ARSG: variants seen among roughly 807,000 people sequenced by gnomAD.
The protein encoded by ARSG is arylsulfatase G, also known as ASG.
Under a neutral mutation model 50.5 loss-of-function variants are expected in ARSG, and 37 were observed. The observed-to-expected ratio is 0.73, with a 90% confidence interval of 0.56 to 0.96. The LOEUF is 0.96. Among genes scored for constraint, ARSG ranks in the 50% least tolerant of loss-of-function variants. The probability of loss-of-function intolerance (pLI) is 0.00; values close to 1 mark genes in which losing one functional copy is unlikely to be tolerated. For synonymous variants in ARSG, 225 were observed against 254.6 expected, an observed-to-expected ratio of 0.88 and a Z score of 1.11; for missense variants, 629 against 675.3, an observed-to-expected ratio of 0.93 and a Z score of 0.76.
intron 9 of ARSG, among the ~76,000 whole-genome samples, chr17:68,391,522 G>A (rs761479126): frequency 5.3e-5 from 8 of 152,134 alleles, no homozygotes; most frequent in Non-Finnish European, 1.0e-4. Flanking sequence ...AGAGAGTAGT[G>A]GGGGGAAATC....
chr17:68,397,943 T>A lies in ARSG; in HGVS notation c.1212+2750T>A, dbSNP rs1014830163. Among the ~76,000 whole-genome samples, 5 of 152,066 alleles carry A rather than the reference T, an allele frequency of 3.3e-5. No homozygotes were observed. The East Asian group carries it at 9.6e-4, about 29-fold the overall frequency. On this transcript the variant is annotated intron_variant, in intron 10 of 11. Transcript: ENST00000621439. Reference sequence around the variant, plus strand: ...CACCACGCCTAGATAATTTTTGTATTTTTAGTAGAGACAGGGTTTCACTGT... The same window carrying A: ...CACCACGCCTAGATAATTTTTGTATATTTAGTAGAGACAGGGTTTCACTGT...
intron 1 of ARSG, among the ~76,000 whole-genome samples, chr17:68,277,400 G>T (rs920996264): frequency 1.3e-5 from 2 of 151,662 alleles, no homozygotes; most frequent in African/African-American, 2.4e-5. Context: ...AAAGTGCTGG[G>T]ATTACAGGCG....
At chr17:68,411,582 GA>G (rs925579522) in intron 11 of ARSG, among the ~76,000 whole-genome samples, 1 of 150,500 alleles carries the variant, frequency 6.6e-6, no homozygotes, top group Non-Finnish European at 1.5e-5. Flanking sequence ...GTGTGGTGCT[GA>G]AAAAAATGTA....
chr17:68,301,406 G>C (rs2076410755), intron 1 of ARSG, among the ~76,000 whole-genome samples: 1 of 152,188 alleles, frequency 6.6e-6, no homozygotes, highest in Non-Finnish European at 1.5e-5. Context: ...GGATGGACTA[G>C]GGTGAGGCAA....
At chr17:68,292,794 A>C (rs1279729478) in intron 1 of ARSG, among the ~76,000 whole-genome samples, 1 of 152,064 alleles carries the variant, frequency 6.6e-6, no homozygotes, top group Non-Finnish European at 1.5e-5. Context: ...GTAAGTGGGG[A>C]GAAGATTCGT....
rs1320455954 is a variant in ARSG at position 68,381,439 on chromosome 17, G to A, written c.983-3625G>A. Among the ~76,000 whole-genome samples the A allele has an allele frequency of 6.6e-6, 1 of 152,176 alleles. No individual in the cohort carries two copies. The highest frequency in any genetic ancestry group is 1.5e-5 in the Non-Finnish European group (1 of 68,036). On this transcript the variant is annotated intron_variant, in intron 8 of 11. Coordinates refer to ENST00000621439, the MANE Select transcript of ARSG (RefSeq NM_001267727.2). This position sits in a 1 kb window ranked among gnomAD's most constrained non-coding sequence, Gnocchi z 4.1. The stretch of plus-strand genomic sequence containing the variant: ...ACGCATTTCTCGACAGAAAGCCGAA[G>A]GCAACTAACAGTTTTAATGTGCCAG...
chr17:68,376,309 C>T (rs926722892), intron 8 of ARSG, among the ~76,000 whole-genome samples: 87 of 143,148 alleles, frequency 6.1e-4, no homozygotes, highest in Non-Finnish European at 1.0e-3. Context: ...TAGGGTCTTG[C>T]TCTGTTGCCC....
chr17:68,413,421 G>T (rs1481881303), intron 11 of ARSG, among the ~76,000 whole-genome samples: 1 of 152,258 alleles, frequency 6.6e-6, no homozygotes, highest in East Asian at 1.9e-4. Context: ...GTGCCTCCCA[G>T]TTAGGCTGCT....
intron 8 of ARSG, chr17:68,379,995 A>G (rs143226071): frequency 5.6e-4 from 239 of 429,250 alleles, no homozygotes; most frequent in African/African-American, 4.5e-3. Flanking sequence ...GCATGGGTCC[A>G]CGTAATACAT....
chr17:68,444,915 C>CTTTT, the ARSG span, among the ~76,000 whole-genome samples: 2 of 89,086 alleles, frequency 2.2e-5, no homozygotes, highest in African/African-American at 4.8e-5. Context: ...ATCCTGAACA[C>CTTTT]TTTTTTTTTT....
At chr17:68,451,844 G>A in the ARSG span, among the ~76,000 whole-genome samples, 2 of 152,204 alleles carry the variant, frequency 1.3e-5, no homozygotes, top group African/African-American at 4.8e-5. Context: ...ACCCTCCTGA[G>A]CACAAAGGTT....
chr17:68,405,130 C>CTTTTTTTTTT (rs58178643), intron 11 of ARSG, among the ~76,000 whole-genome samples: 4 of 92,988 alleles, frequency 4.3e-5, no homozygotes, highest in African/African-American at 4.2e-5. Context: ...CAGCTTTGGG[C>CTTTTTTTTTT]TTTTTTTTTT....
At chr17:68,410,774 A>G (rs9675288) in intron 11 of ARSG, among the ~76,000 whole-genome samples, 54,663 of 151,832 alleles carry the variant, frequency 0.36, 11,619 homozygotes, top group African/African-American at 0.61. Flanking sequence ...TGGTTGGTAA[A>G]CTATTGATTA....
intron 1 of ARSG, chr17:68,267,761 GAAT>G (rs1465475209): frequency 6.6e-6 from 1 of 151,896 alleles, no homozygotes; most frequent in Non-Finnish European, 1.5e-5. Flanking sequence ...AAAAAAGGAA[GAAT>G]AAAACAAACA....
chr17:68,374,850 GA>G (rs11406219), intron 8 of ARSG, among the ~76,000 whole-genome samples: 6,303 of 121,376 alleles, frequency 0.052, 438 homozygotes, highest in African/African-American at 0.17. Context: ...GTGAGACTCA[GA>G]AAAAAAAAAA....
rs550023475 is a variant in ARSG, at chr17:68,283,746, C to T, written c.-551-23197C>T. ...ATACAAAATTAGCCGGGTGTGGTGGCGCACGCCTGTAATCCCAGCTACACG... is the reference window on the plus strand; with the variant it reads ...ATACAAAATTAGCCGGGTGTGGTGGTGCACGCCTGTAATCCCAGCTACACG... On this transcript the variant is annotated intron_variant, in intron 1 of 11. Coordinates refer to the ARSG transcript ENST00000448504. Among the ~76,000 whole-genome samples, 396 of 151,852 alleles carry T rather than the reference C, an allele frequency of 2.6e-3. 1 individual carries two copies. Among genetic ancestry groups the T allele is most frequent in the African/African-American group, 9.2e-3 (380 of 41,410 alleles).
chr17:68,291,024 TA>T (rs1425570767), upstream of ARSG: 1 of 152,126 alleles, frequency 6.6e-6, no homozygotes, highest in African/African-American at 2.4e-5. Flanking sequence ...ACATATTTTT[TA>T]AAAAACAACC....
intron 9 of ARSG, among the ~76,000 whole-genome samples, chr17:68,386,684 G>A (rs2080741717): frequency 6.6e-6 from 1 of 152,154 alleles, no homozygotes; most frequent in South Asian, 2.1e-4. Context: ...CTGACTTGGT[G>A]TAGTCAAAGT....
At chr17:68,403,954 T>TG (rs1292566360) in intron 11 of ARSG, among the ~76,000 whole-genome samples, 2 of 151,766 alleles carry the variant, frequency 1.3e-5, no homozygotes, top group Admixed American at 6.6e-5. Context: ...TGAGAACATG[T>TG]GGTGTTTGTT....
Sources: gnomAD v4.1 joint callset for allele counts (sites outside exome capture counted in the v4.1 genomes callset) on GRCh38, gnomAD v4.1.1 for gene constraint, Gnocchi (gnomAD v3.1) non-coding constraint, MANE v1.5 for transcripts, NCBI Gene and HGNC (gene_info 2026-07-23, HGNC 2026-07-21) for gene names.